The following AUTS2 variants were observed in gnomAD, a reference collection of about 807,000 sequenced individuals.
AUTS2 encodes autism susceptibility gene 2 protein.
In AUTS2, 17 loss-of-function variants were observed where a neutral mutation model predicts 112.4. The ratio of observed to expected loss-of-function variants is 0.15; its 90% CI spans 0.10 to 0.23. The LOEUF (loss-of-function observed/expected upper bound fraction) is 0.23. AUTS2 is among the 10% of genes least tolerant of loss of function. The pLI, the probability that AUTS2 is intolerant of heterozygous loss-of-function variation, is 1.00. For synonymous variants in AUTS2, 751 were observed against 702.7 expected (o/e 1.07, Z -1.09); for missense variants, 1,510 against 1,701.6 (o/e 0.89, Z 1.98).
At chr7:70,681,510 C>CAT (rs36056063) in intron 5 of AUTS2, among the ~76,000 whole-genome samples, 147 of 136,314 alleles carry the variant, frequency 1.1e-3, no homozygotes, top group African/African-American at 3.2e-3. Context: ...CATCAGTGTA[C>CAT]ATATATATAT....
rs551157880 is a variant in AUTS2 at position 70,304,730 on chromosome 7, T to G, written c.661-131022T>G. Among the ~76,000 whole-genome samples the G allele has an allele frequency of 1.6e-4, 24 of 149,050 alleles. No homozygotes were observed. In the South Asian group the frequency reaches 4.4e-3, roughly 27 times the overall value. On this transcript the variant is annotated intron_variant, in intron 4 of 18. Transcript: ENST00000342771. ...TTGGATTTTTAACTTTTTTTTTTTTTTTTTTTTTTGGAAATGCTCTGGTGA... is the reference window on the plus strand; with the variant it reads ...TTGGATTTTTAACTTTTTTTTTTTTGTTTTTTTTTGGAAATGCTCTGGTGA...
intron 4 of AUTS2, among the ~76,000 whole-genome samples, chr7:70,377,773 CTTT>C (rs1200007177): frequency 6.5e-5 from 9 of 137,464 alleles, no homozygotes; most frequent in African/African-American, 8.1e-5. Flanking sequence ...ATAATGTCTT[CTTT>C]TTTTTTTTTT....
At chr7:69,741,544 A>C (rs920154102) in intron 1 of AUTS2, among the ~76,000 whole-genome samples, 2 of 152,026 alleles carry the variant, frequency 1.3e-5, no homozygotes, top group Non-Finnish European at 2.9e-5. Flanking sequence ...GCCTCTACTA[A>C]AAATAAAAAA....
chr7:70,696,010 C>T (rs1391569660), intron 5 of AUTS2, among the ~76,000 whole-genome samples: 1 of 151,174 alleles, frequency 6.6e-6, no homozygotes, highest in Non-Finnish European at 1.5e-5. Flanking sequence ...GCCGCTTTTC[C>T]ATTTGAATAA....
At chr7:69,998,132 G>A (rs1171293452) in intron 2 of AUTS2, among the ~76,000 whole-genome samples, 3 of 152,108 alleles carry the variant, frequency 2.0e-5, no homozygotes, top group Non-Finnish European at 4.4e-5. Flanking sequence ...ACCAGGTACC[G>A]TTGTTGCAGA....
intron 4 of AUTS2, among the ~76,000 whole-genome samples, chr7:70,396,917 G>A (rs1794110858): frequency 6.6e-6 from 1 of 152,094 alleles, no homozygotes; most frequent in Admixed American, 6.6e-5. Flanking sequence ...GGAACTGGTA[G>A]GTATATGTTT....
At chr7:69,846,753 T>C (rs1221014307) in intron 1 of AUTS2, among the ~76,000 whole-genome samples, 1 of 152,188 alleles carries the variant, frequency 6.6e-6, no homozygotes, top group African/African-American at 2.4e-5. Flanking sequence ...TTTGTGTTTT[T>C]AGTAGAGACA....
chr7:70,571,493 G>GT, intron 5 of AUTS2, among the ~76,000 whole-genome samples: 1 of 152,330 alleles, frequency 6.6e-6, no homozygotes, highest in African/African-American at 2.4e-5. Flanking sequence ...TGGAAGACCA[G>GT]TTTGATGGGA....
chr7:69,656,495 A>G (rs118139700), intron 1 of AUTS2, among the ~76,000 whole-genome samples: 2,128 of 152,130 alleles, frequency 0.014, 26 homozygotes, highest in Middle Eastern at 0.037. Flanking sequence ...GGTTTTATCT[A>G]TCATTCCTTT....
In AUTS2 at chr7:70,220,265, TA is replaced by T. The variant is rs111964737; in HGVS notation, c.660+85698del. Among the ~76,000 whole-genome samples, 242 of 152,308 alleles carry T rather than the reference TA, an allele frequency of 1.6e-3. 6 individuals are homozygous for T. Among genetic ancestry groups the T allele is most frequent in the African/African-American group, 5.5e-3 (228 of 41,568 alleles). On this transcript the variant is annotated intron_variant, in intron 4 of 18. Coordinates refer to ENST00000342771, the MANE Select transcript of AUTS2 (RefSeq NM_015570.4). ...GATTTTTTTCAATCATTTAAAAATA[TA>T]AAAGCCATTCTTAGCTCATGGGTTA...
chr7:69,788,983 A>T (rs1186360389), intron 1 of AUTS2, among the ~76,000 whole-genome samples: 1 of 152,122 alleles, frequency 6.6e-6, no homozygotes, highest in Non-Finnish European at 1.5e-5. Flanking sequence ...TTCTAAGAAG[A>T]TGTAAAGTCT....
chr7:69,987,276 C>T (rs1798550208), intron 2 of AUTS2, among the ~76,000 whole-genome samples: 1 of 152,142 alleles, frequency 6.6e-6, no homozygotes. Context: ...AGATTAAAGA[C>T]ATATGACAGT....
intron 6 of AUTS2, among the ~76,000 whole-genome samples, chr7:70,736,857 T>C (rs965960740): frequency 2.0e-5 from 3 of 152,312 alleles, no homozygotes; most frequent in Admixed American, 1.3e-4. Context: ...GTAGACGGAT[T>C]GTGCAATGGA....
intron 4 of AUTS2, among the ~76,000 whole-genome samples, chr7:70,373,515 G>A (rs1170467779): frequency 1.3e-5 from 2 of 152,026 alleles, no homozygotes; most frequent in African/African-American, 4.8e-5. Flanking sequence ...GCAGGGGTAG[G>A]CATTTTTCCC....
intron 2 of AUTS2, among the ~76,000 whole-genome samples, chr7:69,918,220 A>G (rs147407217): frequency 1.1e-3 from 172 of 152,314 alleles, no homozygotes; most frequent in African/African-American, 3.9e-3. Flanking sequence ...AATGAATTTT[A>G]GAGGACCAGT....
chr7:70,228,685 A>G (rs1016702339), intron 4 of AUTS2, among the ~76,000 whole-genome samples: 2 of 151,922 alleles, frequency 1.3e-5, no homozygotes, highest in Admixed American at 1.3e-4. Context: ...ATGACTTTGT[A>G]TTAAAGTCTG....
intron 2 of AUTS2, among the ~76,000 whole-genome samples, chr7:69,938,472 G>A (rs1330659130): frequency 6.6e-6 from 1 of 152,218 alleles, no homozygotes; most frequent in Non-Finnish European, 1.5e-5. Flanking sequence ...ACAGAAGAAT[G>A]TGGTTTGGTG....
In AUTS2 at chr7:70,492,735, C is replaced by T. The variant is rs754795702; in HGVS notation, c.690+56954C>T. 2.6e-5 allele frequency among the ~76,000 whole-genome samples: 4 copies of T among 152,238 alleles called. No homozygotes were observed. The South Asian group carries it at 6.2e-4, about 24-fold the overall frequency. ...TGTGAACTGCTGTCTGAGCAAACTA[C>T]GTGACCCCCTCTTGGCAAGACGAAA... On this transcript the variant is annotated intron_variant, in intron 5 of 18. Transcript: ENST00000342771.
At chr7:69,642,835 C>T (rs1794852251) in intron 1 of AUTS2, among the ~76,000 whole-genome samples, 1 of 152,092 alleles carries the variant, frequency 6.6e-6, no homozygotes, top group African/African-American at 2.4e-5. Flanking sequence ...AAAATTATCT[C>T]GTATTGGTTA....
Sources: allele counts gnomAD v4.1 joint callset (sites outside exome capture counted in the v4.1 genomes callset), GRCh38; gene constraint gnomAD v4.1.1; transcripts MANE v1.5; gene names NCBI Gene and HGNC (gene_info 2026-07-23, HGNC 2026-07-21).